VWF: variants seen among roughly 807,000 people sequenced by gnomAD.
The protein encoded by VWF is von Willebrand factor, also known as Factor VIII related antigen.
In VWF, 176 loss-of-function variants were observed where a neutral mutation model predicts 308.6. That is an observed-to-expected ratio of 0.57 (90% CI 0.50 to 0.65). The LOEUF is 0.65. Ranked by LOEUF, VWF falls within the 30% of genes least tolerant of loss-of-function variation. The pLI is 0.00. For synonymous variants in VWF, 1,385 were observed against 1,443.4 expected (o/e 0.96, Z 0.92); for missense variants, 3,146 against 3,648.2 (o/e 0.86, Z 3.55).
At position 6,075,046 on chromosome 12, in the gene VWF, CTG is replaced by C. The variant is rs1411925401; in HGVS notation, c.874+287_874+288del. On this transcript the variant is annotated intron_variant, in intron 7 of 51. Coordinates refer to ENST00000261405, the MANE Select transcript of VWF (RefSeq NM_000552.5). This position sits in a 1 kb window ranked among gnomAD's most constrained non-coding sequence, Gnocchi z 4.7. ...AGATCTTGGTGGGAAGCAGAGAACA[CTG>C]TGTGAGTGCAGGGGTCGGATTTCCT... is the stretch of plus-strand genomic sequence containing the variant. 1.4e-5 allele frequency among the ~76,000 whole-genome samples: 2 copies of C among 142,538 alleles called. No individual in the cohort carries two copies. Among genetic ancestry groups the C allele is most frequent in the East Asian group, 4.4e-4 (2 of 4,508 alleles). The allele number at this position is 142,538 out of a possible 152,430, so 93.5% of individuals were successfully genotyped here.
intron 16 of VWF, among the ~76,000 whole-genome samples, chr12:6,051,863 C>T (rs928264216): frequency 1.3e-5 from 2 of 152,188 alleles, no homozygotes; most frequent in Non-Finnish European, 2.9e-5. Flanking sequence ...CCTCCCACTT[C>T]CACCTCCCAA....
chr12:6,033,919 TCA>T lies in VWF; in HGVS notation c.2685+767_2685+768del, dbSNP rs373143792. Among the ~76,000 whole-genome samples, 98 of 152,354 alleles carry T rather than the reference TCA, an allele frequency of 6.4e-4. 1 individual carries two copies. The East Asian group carries it at 0.017, about 27-fold the overall frequency. On this transcript the variant is annotated intron_variant, in intron 20 of 51. Coordinates refer to ENST00000261405, the MANE Select transcript of VWF (RefSeq NM_000552.5). ...AGAGGGACCATATTTGTTCAAAGCTTCACAGAGTACAGTGCCTCAGCTCTGGT... is the reference window on the plus strand; with the variant it reads ...AGAGGGACCATATTTGTTCAAAGCTTCAGAGTACAGTGCCTCAGCTCTGGT...
At chr12:6,055,759 T>TACACAC (rs775653228) in intron 15 of VWF, among the ~76,000 whole-genome samples, 2,613 of 66,176 alleles carry the variant, frequency 0.039, 44 homozygotes, top group African/African-American at 0.083. Flanking sequence ...TATATATATG[T>TACACAC]ATACACACAC....
At chr12:6,061,631 T>C (rs7301911) in intron 13 of VWF, among the ~76,000 whole-genome samples, 23,555 of 151,988 alleles carry the variant, frequency 0.15, 2,704 homozygotes, top group African/African-American at 0.33. Context: ...CCCTGTGGAA[T>C]ACAGGACCCC....
intron 45 of VWF, 88 bp downstream of exon 45, chr12:5,969,123 A>T: frequency 1.3e-5 from 20 of 1,495,858 alleles, no homozygotes; most frequent in Non-Finnish European, 1.8e-5. Context: ...TAAGTTGCTA[A>T]AAAGGCAAAG....
chr12:6,092,807 T>G (rs1457039549), intron 6 of VWF, among the ~76,000 whole-genome samples: 2 of 152,004 alleles, frequency 1.3e-5, no homozygotes, highest in Non-Finnish European at 2.9e-5. Flanking sequence ...TTTAATGCAT[T>G]TAAATGTTAA....
chr12:6,016,743 C>T lies in VWF; in HGVS notation c.5170+11G>A, dbSNP rs11063986. 2 of 1,614,200 alleles carry T rather than the reference C, an allele frequency of 1.2e-6. No homozygotes were observed. Among genetic ancestry groups the T allele is most frequent in the East Asian group, 2.2e-5 (1 of 44,882 alleles). ...TCGTCACCTGCTGCTTCAGGTGCCT[C>T]GCTCACCCACCTATATTGGCTTTTG... On this transcript the variant is annotated intron_variant, in intron 29 of 51. Coordinates refer to ENST00000261405, the MANE Select transcript of VWF (RefSeq NM_000552.5).
At chr12:5,951,771 G>T (rs1821063861) in intron 50 of VWF, 73 bp downstream of exon 50, 1 of 1,535,668 alleles carries the variant, frequency 6.5e-7, no homozygotes, top group Non-Finnish European at 9.0e-7. Flanking sequence ...TGGGTTTCAA[G>T]GAGCAAGCTG....
At chr12:6,072,158 C>G (rs1403056536) in intron 9 of VWF, among the ~76,000 whole-genome samples, 173 bp downstream of exon 9, 1 of 152,286 alleles carries the variant, frequency 6.6e-6, no homozygotes, top group Non-Finnish European at 1.5e-5. Context: ...TCTTTGCTCC[C>G]CATCATTGCC....
chr12:6,105,527 C>A (rs1449734713), intron 5 of VWF, among the ~76,000 whole-genome samples: 2 of 152,048 alleles, frequency 1.3e-5, no homozygotes, highest in Non-Finnish European at 2.9e-5. Context: ...TGGGCCACCA[C>A]GCCCGGCCTT....
intron 3 of VWF, among the ~76,000 whole-genome samples, chr12:6,114,118 T>C (rs1344421612): frequency 6.6e-6 from 1 of 152,156 alleles, no homozygotes; most frequent in Non-Finnish European, 1.5e-5. Context: ...CAAAGGCATC[T>C]CCCTCCTGGA....
intron 32 of VWF, among the ~76,000 whole-genome samples, chr12:6,012,725 G>A (rs1944011773): frequency 6.8e-6 from 1 of 147,268 alleles, no homozygotes; most frequent in Non-Finnish European, 1.5e-5. Context: ...TTTTTGAGAT[G>A]GAGTCTCACT....
intron 6 of VWF, among the ~76,000 whole-genome samples, chr12:6,088,196 T>C (rs1282471746): frequency 6.6e-6 from 1 of 152,144 alleles, no homozygotes; most frequent in East Asian, 1.9e-4. Context: ...GGGGTGCCTT[T>C]GGCCGGGCGC....
At chr12:6,110,684 G>A in intron 4 of VWF, 102 bp from the exon 5 acceptor site, 2 of 1,400,970 alleles carry the variant, frequency 1.4e-6, no homozygotes. Flanking sequence ...TTCAGAACAT[G>A]GTGCAAAGTG....
At chr12:6,113,823 C>T (rs1256294864) in intron 3 of VWF, among the ~76,000 whole-genome samples, 3 of 152,260 alleles carry the variant, frequency 2.0e-5, no homozygotes, top group Non-Finnish European at 4.4e-5. Flanking sequence ...ATCCCTCCCT[C>T]GGCCTTTTCT....
At chr12:6,043,676 C>T (rs994364931) in intron 18 of VWF, among the ~76,000 whole-genome samples, 2 of 152,228 alleles carry the variant, frequency 1.3e-5, no homozygotes, top group African/African-American at 4.8e-5. Flanking sequence ...AGCCAGGAGT[C>T]GCAAACCAGC....
At chr12:5,954,385 G>C (rs1189225581) in intron 47 of VWF, among the ~76,000 whole-genome samples, 2 of 152,178 alleles carry the variant, frequency 1.3e-5, no homozygotes, top group African/African-American at 4.8e-5. Flanking sequence ...AAAGCCAACT[G>C]TTCAAAAGCA....
chr12:6,119,502 T>C (rs1479717179), intron 3 of VWF, among the ~76,000 whole-genome samples: 1 of 152,156 alleles, frequency 6.6e-6, no homozygotes, highest in Non-Finnish European at 1.5e-5. Context: ...CTCCCCTGTC[T>C]TCTCTGGCCA....
intron 42 of VWF, among the ~76,000 whole-genome samples, chr12:5,979,924 C>G (rs1183003571): frequency 6.7e-6 from 1 of 149,694 alleles, no homozygotes; most frequent in Non-Finnish European, 1.5e-5. Flanking sequence ...GCCTGTAGTC[C>G]CAGCTACTCG....
Sources: allele counts gnomAD v4.1 joint callset (sites outside exome capture counted in the v4.1 genomes callset), GRCh38; gene constraint gnomAD v4.1.1; non-coding constraint Gnocchi (gnomAD v3.1); transcripts MANE v1.5; gene names NCBI Gene and HGNC (gene_info 2026-07-23, HGNC 2026-07-21).